The following NKAIN2 variants were observed in gnomAD, a reference collection of about 807,000 sequenced individuals.
NKAIN2 encodes the protein sodium/potassium-transporting ATPase subunit beta-1-interacting protein 2.
A neutral mutation model predicts 32.6 loss-of-function variants in NKAIN2; 14 were observed. The observed-to-expected ratio is 0.43, with a 90% CI of 0.28 to 0.67. NKAIN2 has a LOEUF of 0.67. NKAIN2 is among the 30% of genes least tolerant of loss of function. The probability of loss-of-function intolerance (pLI) is 0.17; values close to 1 mark genes in which losing one functional copy is unlikely to be tolerated. For missense variants in NKAIN2, 198 were observed against 258.3 expected (o/e 0.77, Z 1.60); for synonymous variants, 80 against 87.2 (o/e 0.92, Z 0.46).
intron 3 of NKAIN2, among the ~76,000 whole-genome samples, chr6:124,465,640 A>AG (rs1776720826): frequency 6.6e-6 from 1 of 151,324 alleles, no homozygotes; most frequent in African/African-American, 2.4e-5. Context: ...TAAAAAAAAA[A>AG]AAAAAAGAAA....
intron 1 of NKAIN2, among the ~76,000 whole-genome samples, chr6:124,055,344 C>A (rs1037031500): frequency 6.6e-6 from 1 of 151,802 alleles, no homozygotes; most frequent in Non-Finnish European, 1.5e-5. Context: ...ATACTAGTAC[C>A]CTGGGATCTT....
In NKAIN2 at chr6:123,804,268, G is replaced by C; in HGVS notation, c.54+14G>C. 6.2e-7 allele frequency: 1 copy of C among 1,608,942 alleles called. No individual in the cohort carries two copies. Among genetic ancestry groups the C allele is most frequent in the Non-Finnish European group, 8.5e-7 (1 of 1,175,308 alleles). On this transcript the variant is annotated intron_variant, in intron 1 of 6. Transcript: ENST00000368417. ...GGCATGCAACTGGTAAGTGACACTT[G>C]GGTCCCCTTATTCTGTAATGTGTCT...
intron 5 of NKAIN2, among the ~76,000 whole-genome samples, chr6:124,795,241 C>T (rs1779947669): frequency 6.6e-6 from 1 of 152,136 alleles, no homozygotes; most frequent in Non-Finnish European, 1.5e-5. Context: ...CCAATGATGG[C>T]AACTGGACAA....
rs1457146183 is a variant in NKAIN2, at chr6:124,475,370, T to G, written c.273+120023T>G. On this transcript the variant is annotated intron_variant, in intron 3 of 6. Coordinates refer to ENST00000368417, the MANE Select transcript of NKAIN2 (RefSeq NM_001040214.3). ...TATGCTACAGCATATTATCACCTTC[T>G]GAAATAACATAACAGTTTTTTTTAA... is the stretch of plus-strand genomic sequence containing the variant. Among the ~76,000 whole-genome samples, 4 of 152,148 alleles carry G rather than the reference T, an allele frequency of 2.6e-5. No homozygotes were observed. The South Asian group carries it at 8.3e-4, about 31-fold the overall frequency.
chr6:123,946,715 G>A (rs1180792865), intron 1 of NKAIN2, among the ~76,000 whole-genome samples: 1 of 152,094 alleles, frequency 6.6e-6, no homozygotes, highest in Admixed American at 6.6e-5. Context: ...AAGCCTAATT[G>A]TTTAGATTTC....
chr6:124,450,020 C>A (rs524235), intron 3 of NKAIN2, among the ~76,000 whole-genome samples: 3 of 152,034 alleles, frequency 2.0e-5, no homozygotes, highest in Admixed American at 6.6e-5. Flanking sequence ...ACTAAATACT[C>A]ATCTCCAGAA....
At chr6:124,715,974 G>T (rs1421959061) in intron 4 of NKAIN2, among the ~76,000 whole-genome samples, 2 of 152,098 alleles carry the variant, frequency 1.3e-5, no homozygotes, top group Non-Finnish European at 2.9e-5. Context: ...CCGTGTTTGG[G>T]CTGTTCTTTG....
chr6:124,229,232 A>T (rs992571184), intron 1 of NKAIN2, among the ~76,000 whole-genome samples: 3 of 152,178 alleles, frequency 2.0e-5, no homozygotes, highest in African/African-American at 7.2e-5. Flanking sequence ...GTGTGACACA[A>T]GTTAATAACT....
intron 1 of NKAIN2, among the ~76,000 whole-genome samples, chr6:124,209,063 C>T (rs1791039723): frequency 6.6e-6 from 1 of 151,260 alleles, no homozygotes; most frequent in South Asian, 2.1e-4. Context: ...TAGATCATAA[C>T]CATTCTCCCT....
intron 3 of NKAIN2, among the ~76,000 whole-genome samples, chr6:124,554,240 A>G (rs761094329): frequency 7.9e-5 from 12 of 152,236 alleles, no homozygotes; most frequent in Non-Finnish European, 1.3e-4. Context: ...CTTGGCAGAC[A>G]CACTGAGAAT....
intron 3 of NKAIN2, among the ~76,000 whole-genome samples, chr6:124,586,183 C>T (rs1445228689): frequency 6.6e-6 from 1 of 152,068 alleles, no homozygotes; most frequent in Non-Finnish European, 1.5e-5. Flanking sequence ...TTTGCCTTTC[C>T]AGAATGTCAT....
chr6:124,353,776 G>A (rs955550079), intron 2 of NKAIN2, among the ~76,000 whole-genome samples: 2 of 151,426 alleles, frequency 1.3e-5, no homozygotes, highest in South Asian at 2.1e-4. Context: ...AGGCACAGAG[G>A]TGGGAAATAA....
intron 4 of NKAIN2, among the ~76,000 whole-genome samples, chr6:124,704,935 T>A (rs1254812390): frequency 6.6e-6 from 1 of 152,026 alleles, no homozygotes; most frequent in Non-Finnish European, 1.5e-5. Context: ...AATGGAAACT[T>A]TCTGTGAATA....
intron 3 of NKAIN2, among the ~76,000 whole-genome samples, chr6:124,520,351 A>G (rs1348072925): frequency 6.6e-6 from 1 of 152,202 alleles, no homozygotes; most frequent in East Asian, 1.9e-4. Context: ...AATGAAAGAT[A>G]AACTTCTTCC....
intron 1 of NKAIN2, among the ~76,000 whole-genome samples, chr6:123,936,294 G>A (rs1355232201): frequency 2.0e-5 from 3 of 152,096 alleles, no homozygotes; most frequent in Non-Finnish European, 2.9e-5. Context: ...GTCTAATTGC[G>A]GACCCTAGAT....
rs563949243 is a variant in NKAIN2 at position 124,402,122 on chromosome 6, G to A, written c.273+46775G>A. On this transcript the variant is annotated intron_variant, in intron 3 of 6. Transcript: ENST00000368417. ...TAACATTTCGTGTGTAGAGACCAGG[G>A]ATTCTGCTAAATGTCCTACAATGAA... 4.6e-5 allele frequency among the ~76,000 whole-genome samples: 7 copies of A among 152,154 alleles called. No individual in the cohort carries two copies. In the East Asian group the frequency reaches 9.6e-4, roughly 21 times the overall value.
intron 3 of NKAIN2, among the ~76,000 whole-genome samples, chr6:124,501,032 T>C (rs1778271261): frequency 1.3e-5 from 2 of 152,114 alleles, no homozygotes; most frequent in South Asian, 4.1e-4. Context: ...TGCGGAGCCA[T>C]TGTACAATAA....
chr6:124,131,329 G>T (rs1307168200), intron 1 of NKAIN2, among the ~76,000 whole-genome samples: 1 of 152,056 alleles, frequency 6.6e-6, no homozygotes, highest in African/African-American at 2.4e-5. Context: ...ATTGAGTTGG[G>T]TTTTAAAATA....
At chr6:124,331,173 A>C (rs1797633823) in intron 2 of NKAIN2, among the ~76,000 whole-genome samples, 1 of 151,882 alleles carries the variant, frequency 6.6e-6, no homozygotes, top group Non-Finnish European at 1.5e-5. Flanking sequence ...TAAACTGATG[A>C]TACTTTTTTT....
Sources: gnomAD v4.1 joint callset for allele counts (sites outside exome capture counted in the v4.1 genomes callset) on GRCh38, gnomAD v4.1.1 for gene constraint, MANE v1.5 for transcripts, NCBI Gene and HGNC (gene_info 2026-07-23, HGNC 2026-07-21) for gene names.